The following PCDHA10 variants were observed in gnomAD, a reference collection of about 807,000 sequenced individuals.
The protein encoded by PCDHA10 is protocadherin alpha 10, also known as protocadherin alpha-10.
A neutral mutation model predicts 61.2 loss-of-function variants in PCDHA10; 45 were observed. The observed-to-expected ratio is 0.74, with a 90% CI of 0.58 to 0.94. The LOEUF is 0.94. PCDHA10 is among the 40% of genes least tolerant of loss of function. The probability of loss-of-function intolerance (pLI) is 0.00; values close to 1 mark genes in which losing one functional copy is unlikely to be tolerated. For missense variants in PCDHA10, 1,278 were observed against 1,236.2 expected (o/e 1.03, Z -0.51); for synonymous variants, 602 against 548.8 (o/e 1.10, Z -1.35).
At chr5:140,872,392 T>C (rs2053635930) in intron 1 of PCDHA10, among the ~76,000 whole-genome samples, 1 of 152,152 alleles carries the variant, frequency 6.6e-6, no homozygotes, top group African/African-American at 2.4e-5. Flanking sequence ...TTTGGGAGGC[T>C]GAGGCAGGAG....
intron 1 of PCDHA10, among the ~76,000 whole-genome samples, chr5:140,978,150 C>A (rs1009630892): frequency 6.6e-6 from 1 of 152,168 alleles, no homozygotes; most frequent in Non-Finnish European, 1.5e-5. Context: ...TTGTTCTCCC[C>A]CTTCAGACTG....
chr5:140,878,139 T>G, intron 1 of PCDHA10: 1 of 191,254 alleles, frequency 5.2e-6, no homozygotes, highest in South Asian at 1.6e-4. Flanking sequence ...AGTGGCCAGA[T>G]GTTTGATAAC....
chr5:140,868,751 C>A, intron 1 of PCDHA10: 1 of 215,966 alleles, frequency 4.6e-6, no homozygotes, highest in Non-Finnish European at 9.2e-6. Flanking sequence ...ATGCCATTTC[C>A]ATATATATTT....
chr5:140,897,975 C>T (rs2066435180), intron 1 of PCDHA10, among the ~76,000 whole-genome samples: 1 of 152,228 alleles, frequency 6.6e-6, no homozygotes. Context: ...CTTTTGGCTG[C>T]ATAAATGTCT....
At position 140,856,855 on chromosome 5, in the gene PCDHA10, T is replaced by C; in HGVS notation, c.807T>C (p.Asp269=). ...TACGGCTCAACGCTTCTGATTCGGATGAAGGAATAAACAAGGAAATGATGT... is the reference window on the plus strand; with the variant it reads ...TACGGCTCAACGCTTCTGATTCGGACGAAGGAATAAACAAGGAAATGATGT... ...LVIRLNASDS[D]EGINKEMMYS... is the part of the protein sequence containing the mutation. Residue 269 remains aspartate (D), a synonymous_variant, in exon 1 of 4, where the codon GAT becomes GAC. Coordinates refer to ENST00000307360, the MANE Select transcript of PCDHA10 (RefSeq NM_018901.4). The C allele has an allele frequency of 1.9e-6, 3 of 1,594,310 alleles. No individual in the cohort carries two copies. The highest frequency in any genetic ancestry group is 1.7e-4 in the Middle Eastern group (1 of 6,000).
intron 1 of PCDHA10, chr5:140,930,410 CAG>C (rs2086812971): frequency 6.7e-6 from 1 of 149,986 alleles, no homozygotes; most frequent in South Asian, 2.1e-4. Flanking sequence ...TTTTTTGAGA[CAG>C]GGGTCTCACT....
intron 1 of PCDHA10, chr5:140,884,248 G>T (rs1554181373): frequency 1.2e-6 from 2 of 1,613,458 alleles, no homozygotes; most frequent in East Asian, 4.5e-5. Flanking sequence ...CCGCGCTGAC[G>T]GCCACGGCAA....
chr5:140,978,829 T>C, intron 1 of PCDHA10, 120 bp from the exon 2 acceptor site: 1 of 1,533,852 alleles, frequency 6.5e-7, no homozygotes, highest in Non-Finnish European at 8.8e-7. Flanking sequence ...ATGAAATGGC[T>C]CATTCAATAC....
intron 1 of PCDHA10, chr5:140,928,845 T>C: frequency 6.2e-7 from 1 of 1,614,180 alleles, no homozygotes; most frequent in Non-Finnish European, 8.5e-7. Flanking sequence ...CCTCTGTCAC[T>C]CTGGGTGTGC....
At chr5:140,959,624 AAAAG>A (rs2095502972) in intron 1 of PCDHA10, among the ~76,000 whole-genome samples, 1 of 152,220 alleles carries the variant, frequency 6.6e-6, no homozygotes, top group Non-Finnish European at 1.5e-5. Context: ...GTGATAGAAA[AAAAG>A]AGAGAAAAAA....
chr5:140,908,050 G>A (rs1554193217), intron 1 of PCDHA10, among the ~76,000 whole-genome samples: 1 of 152,120 alleles, frequency 6.6e-6, no homozygotes, highest in African/African-American at 2.4e-5. Context: ...TGCACATCCG[G>A]CCATTTCTCC....
At chr5:140,911,410 A>G (rs1472938045) in intron 1 of PCDHA10, among the ~76,000 whole-genome samples, 1 of 152,208 alleles carries the variant, frequency 6.6e-6, no homozygotes, top group African/African-American at 2.4e-5. Context: ...AGCCACTGGT[A>G]TGATAAGAAC....
intron 1 of PCDHA10, chr5:140,929,130 A>C (rs1554206719): frequency 1.2e-6 from 2 of 1,614,168 alleles, no homozygotes; most frequent in Non-Finnish European, 1.7e-6. Flanking sequence ...ATGTCACTAC[A>C]GTTGAGAGAC....
chr5:140,870,443 T>G (rs1207012137), intron 1 of PCDHA10: 1 of 1,614,094 alleles, frequency 6.2e-7, no homozygotes, highest in Non-Finnish European at 8.5e-7. Flanking sequence ...GTGGCCGACG[T>G]GAACGACAAT....
rs782115498 is a variant in PCDHA10, at chr5:140,856,112, G to C, written c.64G>C (p.Ala22Pro). ...CLLLSLLLLA[A>P]WEVGSGQLHY... is the part of the protein sequence containing the mutation. ...GCTGCTCTCGCTTCTTCTCCTCGCA[G>C]CCTGGGAGGTGGGGAGCGGCCAGCT... The change falls in exon 1 of 4, where the codon GCC becomes CCC. Residue 22 changes from alanine to proline, a missense_variant. By Grantham distance (27) the Ala-to-Pro change is conservative (BLOSUM62 -1). Coordinates refer to ENST00000307360, the MANE Select transcript of PCDHA10 (RefSeq NM_018901.4). The C allele has an allele frequency of 2.5e-6, 4 of 1,598,194 alleles. 1 individual carries two copies. The South Asian group carries it at 4.4e-5, about 18-fold the overall frequency.
At chr5:140,858,839 C>T (rs1306924023) in intron 1 of PCDHA10, 1 of 317,040 alleles carries the variant, frequency 3.2e-6, no homozygotes, top group Non-Finnish European at 5.9e-6. Context: ...CCAAAAAATT[C>T]CACTGATCTA....
chr5:140,870,957 C>T, intron 1 of PCDHA10: 1 of 1,613,704 alleles, frequency 6.2e-7, no homozygotes, highest in Non-Finnish European at 8.5e-7. Context: ...GCGGCTCGCG[C>T]ATCCCGTTCC....
intron 1 of PCDHA10, chr5:140,928,199 C>T: frequency 6.2e-7 from 1 of 1,614,226 alleles, no homozygotes; most frequent in South Asian, 1.1e-5. Context: ...GTGTCAGTTG[C>T]TGATGTGAAT....
chr5:140,937,588 G>T (rs1414065719), intron 1 of PCDHA10, among the ~76,000 whole-genome samples: 1 of 151,364 alleles, frequency 6.6e-6, no homozygotes, highest in African/African-American at 2.4e-5. Context: ...CTGCACTCTA[G>T]CCTGGGCAAC....
Sources: gnomAD v4.1 joint callset for allele counts (sites outside exome capture counted in the v4.1 genomes callset) on GRCh38, gnomAD v4.1.1 for gene constraint, MANE v1.5 for transcripts, NCBI Gene and HGNC (gene_info 2026-07-23, HGNC 2026-07-21) for gene names.